Variants in ARHGAP29 observed in about 807,000 individuals in gnomAD.
ARHGAP29 encodes Rho GTPase activating protein 29, also known as rho GTPase-activating protein 29.
In ARHGAP29, 43 loss-of-function variants were observed where a neutral mutation model predicts 122.6. The ratio of observed to expected loss-of-function variants is 0.35; its 90% CI spans 0.27 to 0.45. ARHGAP29 has a LOEUF of 0.45. Among genes scored for constraint, ARHGAP29 ranks in the 20% least tolerant of loss-of-function variants. The pLI, the probability that ARHGAP29 is intolerant of heterozygous loss-of-function variation, is 1.00. For synonymous variants in ARHGAP29, 506 were observed against 497.1 expected (o/e 1.02, Z -0.24); for missense variants, 1,303 against 1,477.2 (o/e 0.88, Z 1.93).
At chr1:94,210,218 T>A (rs1651498987) in intron 3 of ARHGAP29, among the ~76,000 whole-genome samples, 1 of 152,302 alleles carries the variant, frequency 6.6e-6, no homozygotes, top group East Asian at 1.9e-4. Flanking sequence ...CTCCCTAATA[T>A]TCTCACCAAT....
At chr1:94,224,715 T>C (rs190267122) in intron 2 of ARHGAP29, among the ~76,000 whole-genome samples, 157 of 152,258 alleles carry the variant, frequency 1.0e-3, no homozygotes, top group African/African-American at 3.4e-3. Context: ...ATATCCAATC[T>C]GTCCCTGGAT....
chr1:94,173,722 C>A lies in ARHGAP29; in HGVS notation c.*147G>T, dbSNP rs544158335. The stretch of plus-strand genomic sequence containing the variant: ...ACATTCTACCATTCAGTATTACCAA[C>A]AGAGGATAAATACAACAACAAAAGG... On this transcript the variant is annotated 3_prime_UTR_variant, in exon 23 of 23. Transcript: ENST00000260526. The A allele has an allele frequency of 2.6e-4, 243 of 921,036 alleles. 1 individual carries two copies. Among genetic ancestry groups the A allele is most frequent in the Non-Finnish European group, 3.7e-4 (228 of 615,638 alleles). The allele number at this position is 921,036 out of a possible 1,614,324, so 57.1% of individuals were successfully genotyped here.
intron 1 of ARHGAP29, among the ~76,000 whole-genome samples, 171 bp from the exon 2 acceptor site, chr1:94,231,814 T>C (rs1652934629): frequency 6.6e-6 from 1 of 152,176 alleles, no homozygotes; most frequent in African/African-American, 2.4e-5. Context: ...ATCACTGTAT[T>C]ATTGATAATA....
chr1:94,286,021 G>C, the ARHGAP29 span, among the ~76,000 whole-genome samples: 85 of 152,246 alleles, frequency 5.6e-4, no homozygotes, highest in African/African-American at 1.9e-3. Flanking sequence ...CTTAGTCAGC[G>C]TGGGCTTCCC....
Position 94,237,529 on chromosome 1 carries a change from G to A in ARHGAP29, c.-147C>T. The A allele has an allele frequency of 2.0e-6, 2 of 990,838 alleles. No homozygotes were observed. Among genetic ancestry groups the A allele is most frequent in the South Asian group, 8.9e-5 (2 of 22,426 alleles). 61.4% of individuals were successfully genotyped at this position (990,838 alleles called of 1,614,324 possible). ...ATCCCCCACGGCCTGCGGACGCCCG[G>A]CCAAATCTCAGCCGCAGCCGCAGCC... On this transcript the variant is annotated 5_prime_UTR_variant, in exon 1 of 23. Transcript: ENST00000260526.
At chr1:94,209,396 T>C (rs1449957269) in intron 3 of ARHGAP29, 46 bp from the exon 4 acceptor site, 2 of 1,188,046 alleles carry the variant, frequency 1.7e-6, no homozygotes, top group Non-Finnish European at 2.4e-6. Context: ...TACTTTAAAC[T>C]AGATTTATAC....
chr1:94,273,982 A>T lies in ARHGAP29; in HGVS notation c.-33+1030T>A, dbSNP rs1048238831. Among the ~76,000 whole-genome samples, 4 of 152,322 alleles carry T rather than the reference A, an allele frequency of 2.6e-5. No homozygotes were observed. In the South Asian group the frequency reaches 8.3e-4, roughly 32 times the overall value. ...AGTTAATAGTTACTGAACACCTAGT[A>T]TGGGCAGGTTTATAGAGATTATCCC... is the stretch of plus-strand genomic sequence containing the variant. On this transcript the variant is annotated intron_variant and NMD_transcript_variant, in intron 1 of 25. Coordinates refer to the ARHGAP29 transcript ENST00000552844.
In ARHGAP29 at chr1:94,184,206, A is replaced by G; in HGVS notation, c.2192T>C (p.Ile731Thr). 1.9e-6 allele frequency: 3 copies of G among 1,611,064 alleles called. No individual in the cohort carries two copies. Among genetic ancestry groups the G allele is most frequent in the Middle Eastern group, 3.3e-4 (2 of 6,054 alleles). Reference protein sequence around the residue: ...ALENGMHLVDISEFSSHDICD... With the variant: ...ALENGMHLVDTSEFSSHDICD... ...GATATCATGTGAACTAAATTCTGAA[A>G]TATCTACCAAGTGCATTCCATTTTC... is the stretch of plus-strand genomic sequence containing the variant. The change falls in exon 19 of 23, where the codon ATT (isoleucine) becomes ACT (threonine). Residue 731 changes from isoleucine to threonine, a missense_variant. Physicochemically the swap from Ile to Thr is moderately conservative, Grantham distance 89. Coordinates refer to ENST00000260526, the MANE Select transcript of ARHGAP29 (RefSeq NM_004815.4).
chr1:94,175,193 C>A (rs1302994171), intron 22 of ARHGAP29, among the ~76,000 whole-genome samples: 1 of 152,202 alleles, frequency 6.6e-6, no homozygotes, highest in African/African-American at 2.4e-5. Context: ...CAGTTACACT[C>A]AACCCAGTGA....
chr1:94,272,257 C>G (rs912211138), intron 1 of ARHGAP29, among the ~76,000 whole-genome samples: 35 of 152,156 alleles, frequency 2.3e-4, no homozygotes, highest in African/African-American at 7.7e-4. Context: ...GGCTCTAAGA[C>G]TAACTGCGGA....
At chr1:94,288,379 T>C in the ARHGAP29 span, among the ~76,000 whole-genome samples, 3 of 152,226 alleles carry the variant, frequency 2.0e-5, no homozygotes, top group Non-Finnish European at 4.4e-5. Context: ...CTAAGTTCTT[T>C]GTAGATTCTG....
At chr1:94,242,823 G>T (rs1653651111) in intron 1 of ARHGAP29, among the ~76,000 whole-genome samples, 1 of 151,892 alleles carries the variant, frequency 6.6e-6, no homozygotes, top group Non-Finnish European at 1.5e-5. Context: ...TTAAAACACA[G>T]ACTTGAAATA....
At chr1:94,216,537 T>G (rs1025577105) in intron 3 of ARHGAP29, among the ~76,000 whole-genome samples, 8 of 152,204 alleles carry the variant, frequency 5.3e-5, no homozygotes, top group African/African-American at 1.7e-4. Flanking sequence ...CAAAGAAACT[T>G]CATCATCGTT....
chr1:94,291,972 G>C, the ARHGAP29 span, among the ~76,000 whole-genome samples: 2 of 152,110 alleles, frequency 1.3e-5, no homozygotes, highest in African/African-American at 4.8e-5. Context: ...GGTGTTCTCC[G>C]TATTTCCCGA....
intron 16 of ARHGAP29, 104 bp downstream of exon 16, chr1:94,186,395 C>G: frequency 2.6e-6 from 2 of 772,452 alleles, no homozygotes; most frequent in East Asian, 3.0e-5. Context: ...TTGTTTAATA[C>G]ACAAAAAAGT....
chr1:94,247,588 G>A (rs1355969860), intron 1 of ARHGAP29, among the ~76,000 whole-genome samples: 6 of 151,426 alleles, frequency 4.0e-5, no homozygotes, highest in Non-Finnish European at 8.9e-5. Flanking sequence ...CCCGCGTCCC[G>A]GACGCGGACG....
the ARHGAP29 span, among the ~76,000 whole-genome samples, chr1:94,295,594 C>T: frequency 6.6e-6 from 1 of 151,992 alleles, no homozygotes; most frequent in African/African-American, 2.4e-5. Flanking sequence ...GATTAATGAT[C>T]TGTGAATCTT....
chr1:94,298,780 C>T, the ARHGAP29 span, among the ~76,000 whole-genome samples: 2 of 152,158 alleles, frequency 1.3e-5, no homozygotes, highest in African/African-American at 2.4e-5. Context: ...CATGGTTTCA[C>T]ATGCTTAATC....
the ARHGAP29 span, chr1:94,302,817 AG>A: frequency 4.1e-6 from 1 of 245,646 alleles, no homozygotes; most frequent in Non-Finnish European, 8.1e-6. Flanking sequence ...GCGGCATCGG[AG>A]GGGGCCATCG....
Sources: allele counts gnomAD v4.1 joint callset (sites outside exome capture counted in the v4.1 genomes callset), GRCh38; gene constraint gnomAD v4.1.1; transcripts MANE v1.5; gene names NCBI Gene and HGNC (gene_info 2026-07-23, HGNC 2026-07-21).